Variants in ELAPOR2 observed in about 807,000 individuals in gnomAD.
ELAPOR2 encodes the protein endosome/lysosome-associated apoptosis and autophagy regulator family member 2.
ELAPOR2 carries 89 observed loss-of-function variants against 120.7 expected under a neutral mutation model. That is an observed-to-expected ratio of 0.74 (90% CI 0.62 to 0.88). The LOEUF is 0.88. ELAPOR2 is among the 40% of genes least tolerant of loss of function. The probability of loss-of-function intolerance (pLI) is 0.00; values close to 1 mark genes in which losing one functional copy is unlikely to be tolerated. For missense variants in ELAPOR2, 1,134 were observed against 1,251.6 expected (o/e 0.91, Z 1.42); for synonymous variants, 444 against 444.9 (o/e 1.00, Z 0.03).
chr7:86,926,464 C>T (rs1426170340), intron 9 of ELAPOR2, among the ~76,000 whole-genome samples: 4 of 152,016 alleles, frequency 2.6e-5, no homozygotes, highest in African/African-American at 7.2e-5. Context: ...CTATTGGTAG[C>T]ATGGGGGACA....
chr7:86,892,770 C>T, intron 20 of ELAPOR2, 152 bp downstream of exon 20: 1 of 551,194 alleles, frequency 1.8e-6, no homozygotes, highest in South Asian at 5.8e-5. Context: ...CCTCTGCTTG[C>T]TTTCTCAAGG....
rs532576085 is a variant in ELAPOR2, at chr7:87,053,759, G to A, written c.189+5566C>T. ...AGGATAGGATATAGGGATGGATCTA[G>A]GTCAGGAGGCTTCCTCTGTGAGAGA... is the stretch of plus-strand genomic sequence containing the variant. On this transcript the variant is annotated intron_variant, in intron 1 of 21. Coordinates refer to ENST00000450689, the MANE Select transcript of ELAPOR2 (RefSeq NM_001142749.3). Among the ~76,000 whole-genome samples the A allele has an allele frequency of 3.9e-5, 6 of 152,296 alleles. No homozygotes were observed. In the South Asian group the frequency reaches 1.2e-3, roughly 32 times the overall value.
intron 1 of ELAPOR2, among the ~76,000 whole-genome samples, chr7:87,049,227 A>AGAT (rs1795035171): frequency 6.6e-6 from 1 of 152,184 alleles, no homozygotes; most frequent in Non-Finnish European, 1.5e-5. Context: ...AGGACTATAG[A>AGAT]GAAAAACAAA....
At chr7:86,928,979 G>A (rs1021536601) in intron 8 of ELAPOR2, among the ~76,000 whole-genome samples, 1 of 151,808 alleles carries the variant, frequency 6.6e-6, no homozygotes, top group Non-Finnish European at 1.5e-5. Flanking sequence ...AGGGCTTCCA[G>A]TGCAGATGAA....
In ELAPOR2 at chr7:86,918,561, A is replaced by G; in HGVS notation, c.1491-17T>C. ...GTTGGTGGTCTATTTGACAGATTAA[A>G]ATGGCAATATTTATACTATGTTCTA... On this transcript the variant is annotated splice_polypyrimidine_tract_variant and intron_variant, in intron 11 of 21. Transcript: ENST00000450689. 1 of 1,426,742 alleles carries G rather than the reference A, an allele frequency of 7.0e-7. No homozygotes were observed. The highest frequency in any genetic ancestry group is 9.9e-7 in the Non-Finnish European group (1 of 1,010,480). 88.4% of individuals were successfully genotyped at this position (1,426,742 alleles called of 1,614,324 possible).
intron 1 of ELAPOR2, among the ~76,000 whole-genome samples, chr7:86,987,139 TC>T (rs1394788357): frequency 1.3e-5 from 2 of 152,110 alleles, no homozygotes; most frequent in East Asian, 3.8e-4. Flanking sequence ...AACTGGGTAG[TC>T]ATATGTAGAA....
Position 86,918,517 on chromosome 7 carries a change from C to T in ELAPOR2, c.1518G>A (p.Thr506=), listed in dbSNP as rs372390505. 5.0e-5 allele frequency: 81 copies of T among 1,612,240 alleles called. No individual in the cohort carries two copies. The highest frequency in any genetic ancestry group is 3.3e-4 in the Middle Eastern group (2 of 6,076). The change falls in exon 12 of 22, where the codon ACG becomes ACA. Residue 506 remains threonine (T), a synonymous_variant. Transcript: ENST00000450689. The stretch of plus-strand genomic sequence containing the variant: ...ATGTTATTCTTCCTAGTTCAGAACC[C>T]GTGGCTCCAGTCATAGATGTTGGTG... ...FKPPTSMTGA[T]GSELGRITFV... is the part of the protein sequence containing the mutation.
At chr7:86,915,523 T>C (rs1412684914) in intron 12 of ELAPOR2, among the ~76,000 whole-genome samples, 1 of 151,996 alleles carries the variant, frequency 6.6e-6, no homozygotes, top group Non-Finnish European at 1.5e-5. Flanking sequence ...TGATATGCTG[T>C]CATTAACATG....
intron 1 of ELAPOR2, among the ~76,000 whole-genome samples, chr7:86,977,317 T>C (rs1339429008): frequency 6.6e-6 from 1 of 152,222 alleles, no homozygotes; most frequent in South Asian, 2.1e-4. Flanking sequence ...CCTGTCCTCA[T>C]GACCATTATA....
At chr7:86,945,857 GA>G (rs996461542) in intron 3 of ELAPOR2, among the ~76,000 whole-genome samples, 1 of 151,766 alleles carries the variant, frequency 6.6e-6, no homozygotes, top group Non-Finnish European at 1.5e-5. Flanking sequence ...ACACTATTAA[GA>G]AAACAAAAAA....
intron 2 of ELAPOR2, among the ~76,000 whole-genome samples, chr7:86,956,565 A>G (rs1791479062): frequency 1.3e-5 from 2 of 152,232 alleles, no homozygotes; most frequent in South Asian, 4.1e-4. Context: ...TCCTGGCAAG[A>G]AAACTGATAC....
In ELAPOR2 at chr7:86,926,831, T is replaced by C. The variant is rs1272222580; in HGVS notation, c.1175A>G (p.Lys392Arg). 3.1e-6 allele frequency: 5 copies of C among 1,611,410 alleles called. No individual in the cohort carries two copies. The Admixed American group carries it at 6.7e-5, about 22-fold the overall frequency. ...AGGGTTGCAAGGCGGACAATCCTTC[T>C]TCTCTCCAGAAGGGGGCAATCTAAT... ...DAIRLPPSGE[K>R]KDCPPCNPGF... The change falls in exon 9 of 22, where the codon AAG becomes AGG. Residue 392 changes from lysine to arginine, a missense_variant. By Grantham distance (26) the Lys-to-Arg change is conservative. Transcript: ENST00000450689.
At chr7:87,052,459 T>A (rs750883722) in intron 1 of ELAPOR2, among the ~76,000 whole-genome samples, 3 of 152,130 alleles carry the variant, frequency 2.0e-5, no homozygotes, top group Admixed American at 6.5e-5. Context: ...GAATTCAAGA[T>A]GAGATTTGGG....
rs34497403 is a variant in ELAPOR2, at chr7:86,940,324, C to T, written c.742-209G>A. Among the ~76,000 whole-genome samples the T allele has an allele frequency of 0.077, 11,704 of 152,068 alleles. 1,516 individuals carry two copies. The highest frequency in any genetic ancestry group is 0.27 in the African/African-American group (11,081 of 41,470). ...ATGGAGTTTGCTAATCCACAAAATA[C>T]ATTAAACAGAAAAGAAGAAGAAATC... is the stretch of plus-strand genomic sequence containing the variant. On this transcript the variant is annotated intron_variant, in intron 5 of 21. Transcript: ENST00000450689.
intron 11 of ELAPOR2, 76 bp downstream of exon 11, chr7:86,919,144 A>G: frequency 1.0e-6 from 1 of 975,548 alleles, no homozygotes; most frequent in East Asian, 2.5e-5. Flanking sequence ...TCCATAAAGT[A>G]GCCCTACTTC....
intron 12 of ELAPOR2, among the ~76,000 whole-genome samples, chr7:86,917,160 CTGT>C (rs2116142984): frequency 6.6e-6 from 1 of 151,866 alleles, no homozygotes; most frequent in Admixed American, 6.6e-5. Context: ...TGACTCACAC[CTGT>C]AATCCCAGCA....
At chr7:87,017,897 G>A (rs935343220) in intron 1 of ELAPOR2, among the ~76,000 whole-genome samples, 13 of 152,040 alleles carry the variant, frequency 8.6e-5, no homozygotes, top group African/African-American at 2.9e-4. Flanking sequence ...TTCCAGCCTG[G>A]GTGACAGAGT....
chr7:86,949,892 T>C (rs1238172488), intron 2 of ELAPOR2, among the ~76,000 whole-genome samples: 1 of 152,160 alleles, frequency 6.6e-6, no homozygotes, highest in African/African-American at 2.4e-5. Flanking sequence ...GCATAGAGTC[T>C]CCTGGATGGA....
chr7:87,049,966 G>T (rs772257800), intron 1 of ELAPOR2, among the ~76,000 whole-genome samples: 11 of 152,160 alleles, frequency 7.2e-5, no homozygotes, highest in Non-Finnish European at 1.3e-4. Context: ...TAGAGTTCAG[G>T]CTCCCTCTTG....
Sources: allele counts gnomAD v4.1 joint callset (sites outside exome capture counted in the v4.1 genomes callset), GRCh38; gene constraint gnomAD v4.1.1; transcripts MANE v1.5; gene names NCBI Gene and HGNC (gene_info 2026-07-23, HGNC 2026-07-21).